The following CLEC1A variants were observed in gnomAD, a reference collection of about 807,000 sequenced individuals.
CLEC1A encodes the protein C-type lectin-like receptor-1.
CLEC1A carries 34 observed loss-of-function variants against 28.7 expected under a neutral mutation model. The ratio of observed to expected loss-of-function variants is 1.18; its 90% CI spans 0.90 to 1.57. The LOEUF (loss-of-function observed/expected upper bound fraction) is 1.57, where lower values mean the gene tolerates loss of function less well. Ranked by LOEUF, CLEC1A falls within the 40% of genes most tolerant of loss-of-function variation. The probability of loss-of-function intolerance (pLI) is 0.00; values close to 1 mark genes in which losing one functional copy is unlikely to be tolerated. For missense variants in CLEC1A, 385 were observed against 339.5 expected (o/e 1.13, Z -1.05); for synonymous variants, 116 against 121.0 (o/e 0.96, Z 0.27).
intron 5 of CLEC1A, among the ~76,000 whole-genome samples, 165 bp from the exon 6 acceptor site, chr12:10,071,678 T>C (rs1008472910): frequency 2.1e-4 from 32 of 152,206 alleles, no homozygotes; most frequent in African/African-American, 7.2e-4. Context: ...TAAGTTTCCA[T>C]ACTCATTCTT....
chr12:10,074,711 G>T (rs1290007967), intron 4 of CLEC1A, among the ~76,000 whole-genome samples: 1 of 152,128 alleles, frequency 6.6e-6, no homozygotes, highest in Non-Finnish European at 1.5e-5. Context: ...TAGTAGCCGA[G>T]AAAAATTACA....
At position 10,075,639 on chromosome 12, in the gene CLEC1A, A is replaced by C. The variant is rs1565599526; in HGVS notation, c.408T>G (p.Pro136=). 1.2e-6 allele frequency: 2 copies of C among 1,613,806 alleles called. No homozygotes were observed. The highest frequency in any genetic ancestry group is 3.3e-5 in the Admixed American group (2 of 59,996). ...YNKAGAHRCS[P]CTEQWKWHGD... ...CATGCCATTTCCATTGTTCTGTACA[A>C]GGGCTGCACCTGTGTGCTTGGAAAA... Residue 136 remains proline (P), a synonymous_variant, in exon 4 of 6, where the codon CCT becomes CCG. Transcript: ENST00000315330.
intron 2 of CLEC1A, among the ~76,000 whole-genome samples, chr12:10,087,472 TTA>T (rs200437169): frequency 0.024 from 1,779 of 74,818 alleles, 12 homozygotes; most frequent in East Asian, 0.075. Context: ...TACCTCAAAG[TTA>T]TATATATATA....
At chr12:10,095,707 G>T (rs1413179319) in intron 1 of CLEC1A, among the ~76,000 whole-genome samples, 2 of 152,070 alleles carry the variant, frequency 1.3e-5, no homozygotes, top group African/African-American at 4.8e-5. Context: ...ACTCTCTGCA[G>T]TATTTGTTAT....
chr12:10,096,833 A>G (rs1405431021), intron 1 of CLEC1A, among the ~76,000 whole-genome samples: 1 of 152,152 alleles, frequency 6.6e-6, no homozygotes, highest in African/African-American at 2.4e-5. Context: ...GAAGATGTTA[A>G]AATTAACTCA....
At chr12:10,097,329 G>A (rs996242712) in intron 1 of CLEC1A, among the ~76,000 whole-genome samples, 21 of 152,100 alleles carry the variant, frequency 1.4e-4, no homozygotes, top group Admixed American at 1.2e-3. Flanking sequence ...CCACATTGCC[G>A]AAAATTTCTG....
intron 4 of CLEC1A, among the ~76,000 whole-genome samples, chr12:10,075,290 C>T (rs1029775043): frequency 6.6e-6 from 1 of 152,132 alleles, no homozygotes; most frequent in Non-Finnish European, 1.5e-5. Context: ...TGATATTGCT[C>T]ATCTTCCTAA....
At position 10,098,828 on chromosome 12, in the gene CLEC1A, T is replaced by C. The variant is rs757572925; in HGVS notation, c.95A>G (p.His32Arg). Reference protein sequence around the residue: ...LHSQGSATTRHPEPRRTEHRA... With the variant: ...LHSQGSATTRRPEPRRTEHRA... ...GGTACCTGTGCGCCGGGGCTCTGGA[T>C]GCCGAGTTGTGGCAGAGCCTTGAGA... is the stretch of plus-strand genomic sequence containing the variant. The change falls in exon 1 of 6, where the codon CAT (histidine) becomes CGT (arginine). Residue 32 changes from histidine to arginine, a missense_variant. Physicochemically the swap from His to Arg is conservative, Grantham distance 29. Transcript: ENST00000315330. 40 of 1,613,206 alleles carry C rather than the reference T, an allele frequency of 2.5e-5. No homozygotes were observed. Among genetic ancestry groups the C allele is most frequent in the Non-Finnish European group, 3.4e-5 (40 of 1,179,580 alleles).
chr12:10,092,867 T>G (rs1263810407), intron 1 of CLEC1A, among the ~76,000 whole-genome samples: 2 of 152,148 alleles, frequency 1.3e-5, no homozygotes, highest in Non-Finnish European at 2.9e-5. Flanking sequence ...TCTGATCAAA[T>G]TTTCATATTT....
chr12:10,096,666 C>T (rs1321235463), intron 1 of CLEC1A, among the ~76,000 whole-genome samples: 1 of 152,096 alleles, frequency 6.6e-6, no homozygotes, highest in African/African-American at 2.4e-5. Flanking sequence ...TGCTAAGTTT[C>T]CCTCCTCCAA....
intron 4 of CLEC1A, among the ~76,000 whole-genome samples, chr12:10,074,887 GATAA>G (rs1461002960): frequency 6.6e-6 from 1 of 152,002 alleles, no homozygotes; most frequent in East Asian, 1.9e-4. Context: ...TAGAGAAACT[GATAA>G]ATAAACAACG....
At chr12:10,077,408 T>TC (rs1235064783) in intron 3 of CLEC1A, among the ~76,000 whole-genome samples, 1 of 152,106 alleles carries the variant, frequency 6.6e-6, no homozygotes, top group African/African-American at 2.4e-5. Context: ...GACCCTGTTT[T>TC]CCCCACCTCT....
At chr12:10,089,648 T>G (rs73250243) in intron 1 of CLEC1A, among the ~76,000 whole-genome samples, 7,334 of 152,056 alleles carry the variant, frequency 0.048, 600 homozygotes, top group African/African-American at 0.17. Flanking sequence ...TGAAATTAAT[T>G]TGTTGTTACT....
intron 4 of CLEC1A, 130 bp downstream of exon 4, chr12:10,075,374 C>T (rs1312623476): frequency 2.3e-6 from 2 of 886,368 alleles, no homozygotes; most frequent in Admixed American, 2.5e-5. Flanking sequence ...AGGAATAAGA[C>T]TCAGGCCCTG....
At chr12:10,072,871 G>A (rs1382172082) in intron 5 of CLEC1A, among the ~76,000 whole-genome samples, 2 of 152,110 alleles carry the variant, frequency 1.3e-5, no homozygotes, top group Non-Finnish European at 2.9e-5. Flanking sequence ...TTGAGTCCAG[G>A]AGTTCTAAAC....
chr12:10,089,183 A>G lies in CLEC1A; in HGVS notation c.155T>C (p.Leu52Pro), dbSNP rs756010489. ...APSSTWRPVA[L>P]TLLTLCLVLL... ...CACCAAGCACAAAGTCAGCAGGGTC[A>G]GGGCCACTGGTCGCCACGTTGAAGA... Residue 52 changes from leucine to proline, a missense_variant, in exon 2 of 6, where the codon CTG becomes CCG. By Grantham distance (98) the Leu-to-Pro change is moderately conservative. Transcript: ENST00000315330. 1.6e-5 allele frequency: 26 copies of G among 1,613,994 alleles called. No homozygotes were observed. The highest frequency in any genetic ancestry group is 1.1e-4 in the African/African-American group (8 of 74,932).
chr12:10,093,619 G>A (rs751589841), intron 1 of CLEC1A, among the ~76,000 whole-genome samples: 1 of 151,696 alleles, frequency 6.6e-6, no homozygotes, highest in Non-Finnish European at 1.5e-5. Flanking sequence ...AAATGCAAAA[G>A]GTCTTAAAAG....
At chr12:10,073,912 C>T (rs1866193536) in intron 4 of CLEC1A, among the ~76,000 whole-genome samples, 3 of 152,170 alleles carry the variant, frequency 2.0e-5, no homozygotes, top group Non-Finnish European at 4.4e-5. Context: ...TTTTAAATTT[C>T]TATCTATAAA....
chr12:10,080,835 A>C (rs1866352177), intron 3 of CLEC1A, among the ~76,000 whole-genome samples: 1 of 152,190 alleles, frequency 6.6e-6, no homozygotes, highest in Admixed American at 6.5e-5. Flanking sequence ...GATTCAGGTT[A>C]TCTGCATTTT....
Sources: gnomAD v4.1 joint callset for allele counts (sites outside exome capture counted in the v4.1 genomes callset) on GRCh38, gnomAD v4.1.1 for gene constraint, MANE v1.5 for transcripts, NCBI Gene and HGNC (gene_info 2026-07-23, HGNC 2026-07-21) for gene names.